CDH13: variants seen among roughly 807,000 people sequenced by gnomAD.
CDH13 encodes cadherin 13.
A neutral mutation model predicts 63.8 loss-of-function variants in CDH13; 24 were observed. The ratio of observed to expected loss-of-function variants is 0.38; its 90% confidence interval spans 0.27 to 0.53. CDH13 has a LOEUF of 0.53. Among genes scored for constraint, CDH13 ranks in the 20% least tolerant of loss-of-function variants. CDH13 has a pLI of 0.85. For missense variants in CDH13, 1,049 were observed against 903.1 expected (o/e 1.16, Z -2.07); for synonymous variants, 503 against 355.3 (o/e 1.42, Z -4.67).
At chr16:83,045,448 C>A (rs1917688615) in intron 3 of CDH13, among the ~76,000 whole-genome samples, 1 of 151,822 alleles carries the variant, frequency 6.6e-6, no homozygotes, top group African/African-American at 2.4e-5. Context: ...ACCAGCCTGG[C>A]CAAGATGGTG....
At chr16:83,620,069 A>G (rs953003525) in intron 8 of CDH13, among the ~76,000 whole-genome samples, 8 of 151,628 alleles carry the variant, frequency 5.3e-5, no homozygotes, top group Admixed American at 1.3e-4. Flanking sequence ...TTCCAAGTGC[A>G]TGGGGAAGAC....
At chr16:83,704,346 C>T (rs13380527) in intron 10 of CDH13, among the ~76,000 whole-genome samples, 28,503 of 152,006 alleles carry the variant, frequency 0.19, 3,260 homozygotes, top group African/African-American at 0.33. Context: ...GTTCTCATTT[C>T]GATGCCAGAA....
chr16:83,529,371 G>T (rs2151630477), intron 7 of CDH13, among the ~76,000 whole-genome samples: 1 of 152,160 alleles, frequency 6.6e-6, no homozygotes, highest in East Asian at 1.9e-4. Context: ...TAATATTTGA[G>T]TTTATATGTA....
rs950827734 is a variant in CDH13, at chr16:82,762,164, C to T, written c.46-96198C>T. Among the ~76,000 whole-genome samples, 4 of 152,140 alleles carry T rather than the reference C, an allele frequency of 2.6e-5. No individual in the cohort carries two copies. In the South Asian group the frequency reaches 6.2e-4, roughly 24 times the overall value. ...CTTTTCCCCCAAGTGACCTGCACAT[C>T]GGACTTCACCCTGCTACTCTCTCTT... On this transcript the variant is annotated intron_variant, in intron 1 of 13. Transcript: ENST00000567109.
rs116842324 is a variant in CDH13, at chr16:83,277,457, T to C, written c.636+59960T>C. Among the ~76,000 whole-genome samples the C allele has an allele frequency of 1.9e-3, 285 of 152,282 alleles. 9 individuals are homozygous for C. In the East Asian group the frequency reaches 0.048, roughly 26 times the overall value. ...TAACAGATTCCTAGGTACAATTCAGTTTGGGAATCCTACAAAGGCTTTAAA... is the reference window on the plus strand; with the variant it reads ...TAACAGATTCCTAGGTACAATTCAGCTTGGGAATCCTACAAAGGCTTTAAA... On this transcript the variant is annotated intron_variant, in intron 5 of 13. Transcript: ENST00000567109.
At chr16:83,026,359 A>C (rs1172556875) in intron 2 of CDH13, among the ~76,000 whole-genome samples, 1 of 152,232 alleles carries the variant, frequency 6.6e-6, no homozygotes, top group Non-Finnish European at 1.5e-5. Context: ...ATATGGGACC[A>C]CGAGCTAGTC....
chr16:83,116,038 C>G (rs1046930918), intron 3 of CDH13, among the ~76,000 whole-genome samples: 4 of 152,334 alleles, frequency 2.6e-5, no homozygotes, highest in Middle Eastern at 3.4e-3. Flanking sequence ...TCACCACTTC[C>G]TTCAGTTGGC....
chr16:83,420,977 TG>T (rs1801104951), intron 6 of CDH13, among the ~76,000 whole-genome samples: 1 of 152,214 alleles, frequency 6.6e-6, no homozygotes, highest in Admixed American at 6.5e-5. Flanking sequence ...CTGCCTGCTT[TG>T]TTCTAGCCAT....
rs1904986016 is a variant in CDH13, at chr16:83,692,310, C to G, written c.1538+13849C>G. Among the ~76,000 whole-genome samples, 10 of 152,134 alleles carry G rather than the reference C, an allele frequency of 6.6e-5. 2 individuals are homozygous for G. Among genetic ancestry groups the G allele is most frequent in the Admixed American group, 6.5e-4 (10 of 15,284 alleles). ...ATGGGGAGGGAGTCTGGCCAGATCT[C>G]CATGGACTCAAGGTTGCTCCCTGGA... On this transcript the variant is annotated intron_variant, in intron 10 of 13. Coordinates refer to ENST00000567109, the MANE Select transcript of CDH13 (RefSeq NM_001257.5).
intron 2 of CDH13, among the ~76,000 whole-genome samples, chr16:82,909,252 A>ATGTGTGTGTGTGTGTGTG (rs10527714): frequency 6.1e-5 from 9 of 146,948 alleles, no homozygotes; most frequent in African/African-American, 1.8e-4. Context: ...CTGACTGTAT[A>ATGTGTGTGTGTGTGTGTG]TGTGTGTGTG....
chr16:83,776,592 G>C (rs187199719), intron 11 of CDH13, among the ~76,000 whole-genome samples: 2 of 152,088 alleles, frequency 1.3e-5, no homozygotes, highest in African/African-American at 4.8e-5. Flanking sequence ...AAAGAGTATC[G>C]GCTCGCACTT....
intron 11 of CDH13, among the ~76,000 whole-genome samples, chr16:83,768,638 C>T (rs958322214): frequency 5.9e-5 from 9 of 152,102 alleles, no homozygotes; most frequent in Middle Eastern, 3.2e-3. Context: ...CTGCTGGTTG[C>T]CCATGTTTAT....
intron 1 of CDH13, among the ~76,000 whole-genome samples, chr16:82,690,495 A>G (rs547202812): frequency 4.6e-5 from 7 of 152,346 alleles, no homozygotes; most frequent in Non-Finnish European, 7.3e-5. Context: ...GAGGAAGCAC[A>G]CAAGTTTGTA....
chr16:83,586,315 G>A (rs1349780769), intron 7 of CDH13, among the ~76,000 whole-genome samples: 1 of 152,212 alleles, frequency 6.6e-6, no homozygotes, highest in Admixed American at 6.5e-5. Flanking sequence ...CCAGAGAGAG[G>A]GCGGTTGAGT....
chr16:83,786,606 GA>G (rs1438410941), intron 13 of CDH13, among the ~76,000 whole-genome samples: 1 of 139,866 alleles, frequency 7.1e-6, no homozygotes, highest in Non-Finnish European at 1.5e-5. Context: ...TTATTTTTTT[GA>G]GACAGAGTCT....
intron 10 of CDH13, among the ~76,000 whole-genome samples, chr16:83,697,084 C>T (rs906957254): frequency 1.3e-5 from 2 of 152,268 alleles, no homozygotes; most frequent in South Asian, 2.1e-4. Flanking sequence ...GAATTCCAGT[C>T]GATCCTTATT....
chr16:83,080,478 G>C (rs1229651099), intron 3 of CDH13, among the ~76,000 whole-genome samples: 2 of 152,160 alleles, frequency 1.3e-5, no homozygotes, highest in African/African-American at 2.4e-5. Flanking sequence ...TTGGGAGCCA[G>C]ATGTTCCACT....
chr16:83,704,055 C>G (rs1906646527), intron 10 of CDH13, among the ~76,000 whole-genome samples: 1 of 152,174 alleles, frequency 6.6e-6, no homozygotes, highest in Non-Finnish European at 1.5e-5. Context: ...GACAAGAACC[C>G]TTCAACCCAG....
chr16:82,993,952 C>A (rs192933994), intron 2 of CDH13, among the ~76,000 whole-genome samples: 362 of 152,254 alleles, frequency 2.4e-3, no homozygotes, highest in Non-Finnish European at 1.6e-3. Context: ...TGTTACCCCT[C>A]CCTGCAAGAT....
Sources: allele counts gnomAD v4.1 joint callset (sites outside exome capture counted in the v4.1 genomes callset), GRCh38; gene constraint gnomAD v4.1.1; transcripts MANE v1.5; gene names NCBI Gene and HGNC (gene_info 2026-07-23, HGNC 2026-07-21).